Variants in XPO1 observed in about 807,000 individuals in gnomAD.
XPO1 encodes the protein exportin-1.
Under a neutral mutation model 133.3 loss-of-function variants are expected in XPO1, and 5 were observed. The observed-to-expected ratio is 0.04, with a 90% CI of 0.02 to 0.08. The LOEUF (loss-of-function observed/expected upper bound fraction) is 0.08, where lower values mean the gene tolerates loss of function less well. Ranked by LOEUF, XPO1 falls within the 10% of genes least tolerant of loss-of-function variation. XPO1 has a pLI of 1.00. For synonymous variants in XPO1, 419 were observed against 408.2 expected (o/e 1.03, Z -0.32); for missense variants, 506 against 1,267.5 (o/e 0.40, Z 9.12).
chr2:61,491,459 A>AAC (rs61072503), intron 16 of XPO1, among the ~76,000 whole-genome samples: 5,916 of 142,948 alleles, frequency 0.041, 114 homozygotes, highest in Middle Eastern at 0.052. Flanking sequence ...TCAAAAAACA[A>AAC]ACACACACAC....
intron 4 of XPO1, among the ~76,000 whole-genome samples, chr2:61,521,331 G>T (rs1353574094): frequency 1.3e-5 from 2 of 152,046 alleles, no homozygotes; most frequent in East Asian, 3.8e-4. Context: ...GCAGGTGAAG[G>T]ACAATACTTA....
At chr2:61,526,056 G>C in intron 3 of XPO1, 1 of 1,078,962 alleles carries the variant, frequency 9.3e-7, no homozygotes, top group African/African-American at 1.6e-5. Flanking sequence ...CTTGGTGTCA[G>C]AGGTGCCTGG....
Position 61,492,547 on chromosome 2 carries a change from CA to C in XPO1, c.1566+19del. 1.3e-6 allele frequency: 2 copies of C among 1,599,864 alleles called. No homozygotes were observed. Among genetic ancestry groups the C allele is most frequent in the Non-Finnish European group, 1.7e-6 (2 of 1,175,438 alleles). On this transcript the variant is annotated intron_variant, in intron 14 of 24. Transcript: ENST00000401558. The surrounding 1 kb of genome is among the most constrained non-coding windows in gnomAD (Gnocchi z 5.6). ...TAATACTTATTTAGCAATTCTAATT[CA>C]TACCTATCCCTTGCATACCTTTATA...
chr2:61,482,414 T>G lies in XPO1; in HGVS notation c.2938A>C (p.Asn980His). 3 of 1,612,360 alleles carry G rather than the reference T, an allele frequency of 1.9e-6. No individual in the cohort carries two copies. The highest frequency in any genetic ancestry group is 2.5e-6 in the Non-Finnish European group (3 of 1,179,494). Residue 980 changes from asparagine to histidine, a missense_variant, in exon 23 of 25, where the codon AAT becomes CAT. Physicochemically the swap from Asn to His is moderately conservative, Grantham distance 68 (BLOSUM62 1). This residue lies in a region of XPO1 where 203 missense variants were observed against 365.9 expected (regional missense o/e 0.55). Coordinates refer to ENST00000401558, the MANE Select transcript of XPO1 (RefSeq NM_003400.4). ...TGAGGGAAGGCCGACTTAAGGAGAT[T>G]AGCCACATATTCCTGAAGAAAGATT... ...NQIFLQEYVA[N>H]LLKSAFPHLQ...
chr2:61,485,695 G>T, intron 20 of XPO1, 73 bp downstream of exon 20: 1 of 1,226,664 alleles, frequency 8.2e-7, no homozygotes, highest in Non-Finnish European at 1.1e-6. Context: ...TATATCCACA[G>T]ACATACTTTA....
intron 2 of XPO1, 109 bp from the exon 3 acceptor site, chr2:61,526,630 T>C (rs753280070): frequency 2.6e-6 from 2 of 757,516 alleles, no homozygotes; most frequent in Non-Finnish European, 3.8e-6. Flanking sequence ...ACAGAGATTC[T>C]ATTATTGATG....
chr2:61,510,726 C>CAGG (rs1211248151), intron 4 of XPO1, among the ~76,000 whole-genome samples: 2 of 152,046 alleles, frequency 1.3e-5, no homozygotes, highest in Non-Finnish European at 2.9e-5. Context: ...CGCTTGAGCC[C>CAGG]AGGAGTTCAG....
chr2:61,510,176 C>CTGAG (rs1553410888), intron 4 of XPO1, among the ~76,000 whole-genome samples: 1 of 152,092 alleles, frequency 6.6e-6, no homozygotes, highest in Non-Finnish European at 1.5e-5. Flanking sequence ...ACTCTGGAGG[C>CTGAG]TGAGGCACAA....
rs1404926450 is a variant in XPO1, at chr2:61,491,119, A to G, written c.1888-343T>C. 3.9e-5 allele frequency among the ~76,000 whole-genome samples: 6 copies of G among 152,142 alleles called. No homozygotes were observed. In the South Asian group the frequency reaches 1.0e-3, roughly 26 times the overall value. Reference sequence around the variant, plus strand: ...AGCCGAGATTGCAATACTGCACTCGAGCCTGGGTGACAGAGGAAGACTCCA... The same window carrying G: ...AGCCGAGATTGCAATACTGCACTCGGGCCTGGGTGACAGAGGAAGACTCCA... On this transcript the variant is annotated intron_variant, in intron 16 of 24. Transcript: ENST00000401558.
rs2104504484 is a variant in XPO1, at chr2:61,499,730, A to G, written c.573T>C (p.Ser191=). The G allele has an allele frequency of 6.3e-7, 1 of 1,578,172 alleles. No individual in the cohort carries two copies. The highest frequency in any genetic ancestry group is 8.6e-7 in the Non-Finnish European group (1 of 1,169,068). Residue 191 remains serine, a synonymous_variant, in exon 7 of 25, where the codon TCT becomes TCC. Transcript: ENST00000401558. ...FSSGQITQVK[S]KHLKDSMCNE... ...TTACTTGCCTGTCTTTTAAATGCTTAGATTTGACTTGGGTTATCTGTCCAC... is the reference window on the plus strand; with the variant it reads ...TTACTTGCCTGTCTTTTAAATGCTTGGATTTGACTTGGGTTATCTGTCCAC...
At chr2:61,490,886 GGA>G (rs1429428049) in intron 16 of XPO1, 110 bp from the exon 17 acceptor site, 3 of 1,313,996 alleles carry the variant, frequency 2.3e-6, no homozygotes, top group Non-Finnish European at 3.1e-6. Flanking sequence ...CAGGTGCAGT[GGA>G]TCACTCCTGT....
At chr2:61,505,703 C>A (rs1177625722) in intron 4 of XPO1, among the ~76,000 whole-genome samples, 1 of 152,056 alleles carries the variant, frequency 6.6e-6, no homozygotes, top group Non-Finnish European at 1.5e-5. Context: ...AGATTACAGA[C>A]GTGAGCCACC....
At chr2:61,483,817 T>C in intron 21 of XPO1, 120 bp downstream of exon 21, 1 of 1,136,338 alleles carries the variant, frequency 8.8e-7, no homozygotes. Context: ...TTCTCAGATG[T>C]TCATATATGT....
chr2:61,497,745 G>A (rs533719659), intron 9 of XPO1, among the ~76,000 whole-genome samples: 1 of 152,180 alleles, frequency 6.6e-6, no homozygotes, highest in African/African-American at 2.4e-5. Flanking sequence ...GTCTGGGGTT[G>A]GAAATCAGGG....
intron 4 of XPO1, among the ~76,000 whole-genome samples, chr2:61,516,963 G>A (rs757898275): frequency 6.6e-6 from 1 of 151,810 alleles, no homozygotes; most frequent in South Asian, 2.1e-4. Context: ...GAGTGCAGTC[G>A]TGCTGTCTTG....
intron 3 of XPO1, among the ~76,000 whole-genome samples, chr2:61,525,092 T>A (rs1021675799): frequency 1.3e-5 from 2 of 152,084 alleles, no homozygotes; most frequent in African/African-American, 2.4e-5. Flanking sequence ...GAGGGACAGA[T>A]AACAGCAAAG....
At chr2:61,483,696 C>G in intron 21 of XPO1, 1 of 423,966 alleles carries the variant, frequency 2.4e-6, no homozygotes, top group Middle Eastern at 6.4e-4. Flanking sequence ...CCCAGTAGAA[C>G]TTTGTATTAC....
chr2:61,502,179 T>A (rs1697561322), intron 5 of XPO1, 70 bp downstream of exon 5: 1 of 1,560,990 alleles, frequency 6.4e-7, no homozygotes, highest in Non-Finnish European at 8.7e-7. Flanking sequence ...TTGACAGAAT[T>A]AGGTTGTAGT....
intron 4 of XPO1, among the ~76,000 whole-genome samples, chr2:61,514,084 G>C (rs1698232294): frequency 6.6e-6 from 1 of 151,830 alleles, no homozygotes; most frequent in Admixed American, 6.6e-5. Context: ...CTACTCAGGA[G>C]ACTGAGACAG....
Sources: allele counts gnomAD v4.1 joint callset (sites outside exome capture counted in the v4.1 genomes callset), GRCh38; gene constraint gnomAD v4.1.1; regional missense constraint gnomAD v4.1.1; non-coding constraint Gnocchi (gnomAD v3.1); transcripts MANE v1.5; gene names NCBI Gene and HGNC (gene_info 2026-07-23, HGNC 2026-07-21).